BPTF: variants seen among roughly 807,000 people sequenced by gnomAD.
BPTF encodes nucleosome-remodeling factor subunit BPTF.
BPTF carries 18 observed loss-of-function variants against 292.5 expected under a neutral mutation model. The observed-to-expected ratio is 0.06, with a 90% CI of 0.04 to 0.09. BPTF has a LOEUF of 0.09. BPTF is among the 10% of genes least tolerant of loss of function. The pLI, the probability that BPTF is intolerant of heterozygous loss-of-function variation, is 1.00. For synonymous variants in BPTF, 1,225 were observed against 1,251.9 expected (o/e 0.98, Z 0.45); for missense variants, 2,726 against 3,498.7 (o/e 0.78, Z 5.57).
intron 1 of BPTF, among the ~76,000 whole-genome samples, chr17:67,844,070 CTTTT>C (rs35407119): frequency 3.2e-5 from 3 of 94,352 alleles, no homozygotes; most frequent in Admixed American, 1.4e-4. Context: ...CGGCCCCCGC[CTTTT>C]TTTTTTTTTT....
At position 67,854,409 on chromosome 17, in the gene BPTF, C is replaced by A. The variant is rs1488627002; in HGVS notation, c.1083C>A (p.Ile361=). ...DYPYGPVENK[I]KVLQFLVDQF... is the part of the protein sequence containing the mutation. ...CATATGGACCAGTAGAGAACAAGAT[C>A]AAAGTTCTACAGTTTCTAGTCGATC... is the stretch of plus-strand genomic sequence containing the variant. Residue 361 remains isoleucine (I), a synonymous_variant, in exon 2 of 28, where the codon ATC becomes ATA. Transcript: ENST00000306378. This position sits in a 1 kb window ranked among gnomAD's most constrained non-coding sequence, Gnocchi z 5.6. 2.5e-6 allele frequency: 4 copies of A among 1,614,036 alleles called. No individual in the cohort carries two copies. The highest frequency in any genetic ancestry group is 3.4e-6 in the Non-Finnish European group (4 of 1,180,032).
chr17:67,972,316 A>G (rs1555691387), intron 26 of BPTF, among the ~76,000 whole-genome samples: 1 of 151,922 alleles, frequency 6.6e-6, no homozygotes, highest in East Asian at 1.9e-4. Context: ...AATCACTGCA[A>G]CCTCTGCCAC....
chr17:67,945,763 G>A lies in BPTF; in HGVS notation c.7055G>A (p.Arg2352His), dbSNP rs782611352. Residue 2352 changes from arginine (R) to histidine (H), a missense_variant, in exon 21 of 28, where the codon CGT becomes CAT. Transcript: ENST00000306378. ...CAAAGTCCATCACAGACTCGAATAC[G>A]TCCATCAACTCCATCCCAACTGTCT... is the stretch of plus-strand genomic sequence containing the variant. ...RVQSPSQTRIRPSTPSQLSPG... is the reference protein window; with the variant it reads ...RVQSPSQTRIHPSTPSQLSPG... 21 of 1,613,934 alleles carry A rather than the reference G, an allele frequency of 1.3e-5. No homozygotes were observed. Among genetic ancestry groups the A allele is most frequent in the East Asian group, 4.5e-5 (2 of 44,888 alleles).
At chr17:67,891,571 C>T (rs550342216) in intron 4 of BPTF, 3 of 267,112 alleles carry the variant, frequency 1.1e-5, no homozygotes, top group African/African-American at 2.2e-5. Flanking sequence ...GCAGCTCTTC[C>T]TGTTTTCAAA....
At chr17:67,906,756 C>T (rs546977580) in intron 9 of BPTF, among the ~76,000 whole-genome samples, 18 of 151,912 alleles carry the variant, frequency 1.2e-4, no homozygotes, top group African/African-American at 1.9e-4. Flanking sequence ...GTATCTTGCT[C>T]GCGACAGAAT....
At chr17:67,843,592 C>A (rs2057753142) in intron 1 of BPTF, among the ~76,000 whole-genome samples, 2 of 147,988 alleles carry the variant, frequency 1.4e-5, no homozygotes, top group South Asian at 2.1e-4. Context: ...AGATATATAT[C>A]TAGATATATA....
intron 20 of BPTF, 77 bp downstream of exon 20, chr17:67,944,449 C>A: frequency 1.4e-6 from 2 of 1,478,832 alleles, no homozygotes; most frequent in South Asian, 1.2e-5. Context: ...AACAGGAGAA[C>A]CAGTATTTAC....
Position 67,948,225 on chromosome 17 carries a change from C to A in BPTF, c.7845C>A (p.Leu2615=), listed in dbSNP as rs903909342. The change falls in exon 23 of 28, where the codon CTC becomes CTA. Residue 2615 remains leucine, a synonymous_variant. Transcript: ENST00000306378. ...ATGCCACTAAGCTGTCAGCTCTGCTCTTCAAGCACAAAGAGCAGCTCAGAG... is the reference window on the plus strand; with the variant it reads ...ATGCCACTAAGCTGTCAGCTCTGCTATTCAAGCACAAAGAGCAGCTCAGAG... ...KQNATKLSAL[L]FKHKEQLRAE... is the part of the protein sequence containing the mutation. The A allele has an allele frequency of 6.2e-6, 10 of 1,614,056 alleles. No homozygotes were observed. Among genetic ancestry groups the A allele is most frequent in the Non-Finnish European group, 8.5e-6 (10 of 1,180,046 alleles).
intron 18 of BPTF, among the ~76,000 whole-genome samples, chr17:67,935,139 C>T (rs1247734976): frequency 6.6e-6 from 1 of 151,722 alleles, no homozygotes; most frequent in Non-Finnish European, 1.5e-5. Context: ...CGAAAGAAAA[C>T]AAGACCTGAT....
In BPTF at chr17:67,899,288, G is replaced by A. The variant is rs2061661071; in HGVS notation, c.2544-4501G>A. Among the ~76,000 whole-genome samples, 3 of 152,142 alleles carry A rather than the reference G, an allele frequency of 2.0e-5. No individual in the cohort carries two copies. In the South Asian group the frequency reaches 6.2e-4, roughly 31 times the overall value. On this transcript the variant is annotated intron_variant, in intron 7 of 27. Coordinates refer to ENST00000306378, the MANE Select transcript of BPTF (RefSeq NM_182641.4). The stretch of plus-strand genomic sequence containing the variant: ...ACAGAGCCAGCCGCTTTGGATGCTT[G>A]GCTGTAGTAGACCTGTTTTATGCTG...
intron 18 of BPTF, among the ~76,000 whole-genome samples, 185 bp from the exon 19 acceptor site, chr17:67,940,254 A>G (rs1555671219): frequency 6.6e-6 from 1 of 152,144 alleles, no homozygotes; most frequent in African/African-American, 2.4e-5. Flanking sequence ...GTGAAAACAG[A>G]CTCACTGCCA....
At chr17:67,886,286 C>T (rs756597953) in intron 4 of BPTF, 6 of 1,613,662 alleles carry the variant, frequency 3.7e-6, no homozygotes, top group South Asian at 1.1e-5. Flanking sequence ...AAGAGAATCT[C>T]ATACACCTGT....
At position 67,874,888 on chromosome 17, in the gene BPTF, A is replaced by G. The variant is rs772739109; in HGVS notation, c.1732A>G (p.Lys578Glu). The G allele has an allele frequency of 1.9e-6, 3 of 1,613,770 alleles. No homozygotes were observed. In the African/African-American group the frequency reaches 4.0e-5, roughly 22 times the overall value. Residue 578 changes from lysine (K) to glutamate (E), a missense_variant, in exon 4 of 28, where the codon AAA (lysine) becomes GAA (glutamate). Coordinates refer to ENST00000306378, the MANE Select transcript of BPTF (RefSeq NM_182641.4). ...DNVKSPEETE[K>E]DKNETENDSK... ...TGTTAAAAGCCCAGAAGAAACAGAA[A>G]AAGACAAGAATGAGACTGAGAATGA...
At chr17:67,850,642 C>A (rs1353342773) in intron 1 of BPTF, among the ~76,000 whole-genome samples, 1 of 152,136 alleles carries the variant, frequency 6.6e-6, no homozygotes. Flanking sequence ...GCTAGGATTA[C>A]GGGCATGAGC....
At position 67,912,782 on chromosome 17, in the gene BPTF, C is replaced by T; in HGVS notation, c.4898C>T (p.Thr1633Ile). 1 of 1,614,116 alleles carries T rather than the reference C, an allele frequency of 6.2e-7. No individual in the cohort carries two copies. Among genetic ancestry groups the T allele is most frequent in the Non-Finnish European group, 8.5e-7 (1 of 1,180,006 alleles). Residue 1633 changes from threonine to isoleucine, a missense_variant, in exon 11 of 28, where the codon ACC (threonine) becomes ATC (isoleucine). Thr to Ile is a moderately conservative substitution (Grantham distance 89, BLOSUM62 -1). Around this residue, in one of 22 missense-constraint regions of BPTF, gnomAD observed 144 missense variants for 177.2 expected, o/e 0.81. Coordinates refer to ENST00000306378, the MANE Select transcript of BPTF (RefSeq NM_182641.4). ...GTCACAACCACCACTACAACAGTGA[C>T]CAAGCTTTCCACACCCTCCACAGGC... ...STVTTTTTTV[T>I]KLSTPSTGGS...
chr17:67,878,846 G>A (rs1332970216), intron 4 of BPTF, among the ~76,000 whole-genome samples: 1 of 151,878 alleles, frequency 6.6e-6, no homozygotes, highest in Non-Finnish European at 1.5e-5. Context: ...AGAAGCAGAA[G>A]TATCTACACT....
In BPTF at chr17:67,896,242, A is replaced by G. The variant is rs558653417; in HGVS notation, c.2543+2077A>G. The stretch of plus-strand genomic sequence containing the variant: ...CTCCCAAAGTGCTGGGATTACAGGC[A>G]TGAGTGACTGCACCCAGCCAATATT... On this transcript the variant is annotated intron_variant, in intron 7 of 27. Coordinates refer to ENST00000306378, the MANE Select transcript of BPTF (RefSeq NM_182641.4). Among the ~76,000 whole-genome samples, 178 of 152,324 alleles carry G rather than the reference A, an allele frequency of 1.2e-3. 1 individual carries two copies. The highest frequency in any genetic ancestry group is 3.1e-3 in the South Asian group (15 of 4,826).
chr17:67,864,298 G>A (rs1271640082), intron 2 of BPTF, among the ~76,000 whole-genome samples: 3 of 151,972 alleles, frequency 2.0e-5, no homozygotes, highest in Admixed American at 6.6e-5. Flanking sequence ...AGGTTGAGGC[G>A]GGCGGATTGC....
intron 23 of BPTF, among the ~76,000 whole-genome samples, chr17:67,949,032 T>TG (rs2066031421): frequency 6.6e-6 from 1 of 152,154 alleles, no homozygotes; most frequent in Non-Finnish European, 1.5e-5. Context: ...TAAACGATTC[T>TG]GTAGGTATTG....
Sources: allele counts gnomAD v4.1 joint callset (sites outside exome capture counted in the v4.1 genomes callset), GRCh38; gene constraint gnomAD v4.1.1; regional missense constraint gnomAD v4.1.1; non-coding constraint Gnocchi (gnomAD v3.1); transcripts MANE v1.5; gene names NCBI Gene and HGNC (gene_info 2026-07-23, HGNC 2026-07-21).